HIPK2: variants seen among roughly 807,000 people sequenced by gnomAD.
The protein encoded by HIPK2 is homeodomain-interacting protein kinase 2.
A neutral mutation model predicts 113.7 loss-of-function variants in HIPK2; 27 were observed. The ratio of observed to expected loss-of-function variants is 0.24; its 90% CI spans 0.17 to 0.33. The LOEUF (loss-of-function observed/expected upper bound fraction) is 0.33. Among genes scored for constraint, HIPK2 ranks in the 10% least tolerant of loss-of-function variants. The probability of loss-of-function intolerance (pLI) is 1.00; values close to 1 mark genes in which losing one functional copy is unlikely to be tolerated. For synonymous variants in HIPK2, 631 were observed against 642.2 expected (o/e 0.98, Z 0.26); for missense variants, 1,257 against 1,588.0 (o/e 0.79, Z 3.54).
intron 1 of HIPK2, among the ~76,000 whole-genome samples, chr7:139,732,819 A>ATGTGTGTG (rs71170913): frequency 2.1e-3 from 304 of 144,998 alleles, no homozygotes; most frequent in African/African-American, 7.5e-3. Context: ...TTATATATAT[A>ATGTGTGTG]TGTGTGTGTG....
At chr7:139,634,378 C>A (rs760104395) in intron 2 of HIPK2, among the ~76,000 whole-genome samples, 1 of 151,982 alleles carries the variant, frequency 6.6e-6, no homozygotes, top group Non-Finnish European at 1.5e-5. Flanking sequence ...CATTGGACTG[C>A]GCATGTATTG....
At chr7:139,650,211 GT>G in intron 2 of HIPK2, among the ~76,000 whole-genome samples, 2 of 152,084 alleles carry the variant, frequency 1.3e-5, no homozygotes, top group Admixed American at 1.3e-4. Context: ...TTAGCTGGGT[GT>G]GGTAGCATGA....
At position 139,570,157 on chromosome 7, in the gene HIPK2, G is replaced by A. The variant is rs1050750539; in HGVS notation, c.*2770C>T. 1 of 152,108 alleles carries A rather than the reference G, an allele frequency of 6.6e-6. No individual in the cohort carries two copies. The highest frequency in any genetic ancestry group is 2.4e-5 in the African/African-American group (1 of 41,420). The allele number at this position is 152,108 out of a possible 1,614,324, so 9.4% of individuals were successfully genotyped here. A position where few individuals can be genotyped will look rare whatever the true frequency, so the allele number is the denominator to read the frequency against. On this transcript the variant is annotated 3_prime_UTR_variant, in exon 15 of 15. Coordinates refer to ENST00000406875, the MANE Select transcript of HIPK2 (RefSeq NM_022740.5). ...GAATCTGGGGGTGCTCTCCAGTAAG[G>A]CGAACTGAGGCTCATTTGCAGCCAA...
chr7:139,674,353 A>C (rs1453540971), intron 2 of HIPK2, among the ~76,000 whole-genome samples: 1 of 152,222 alleles, frequency 6.6e-6, no homozygotes, highest in African/African-American at 2.4e-5. Flanking sequence ...TAAAGCAATA[A>C]GAAAAATTAA....
rs188984492 is a variant in HIPK2, at chr7:139,568,523, G to A, written c.*4404C>T. 23 of 152,286 alleles carry A rather than the reference G, an allele frequency of 1.5e-4. No homozygotes were observed. The highest frequency in any genetic ancestry group is 4.1e-4 in the African/African-American group (17 of 41,538). 9.4% of individuals were successfully genotyped at this position (152,286 alleles called of 1,614,324 possible). A position where few individuals can be genotyped will look rare whatever the true frequency, so the allele number is the denominator to read the frequency against. On this transcript the variant is annotated 3_prime_UTR_variant, in exon 15 of 15. Coordinates refer to ENST00000406875, the MANE Select transcript of HIPK2 (RefSeq NM_022740.5). ...AGTGAGCAGAAGCAAATTGCCCTGC[G>A]GTTCACCAGGCTCCAGTTAAACACT...
At chr7:139,713,607 G>A (rs958128324) in intron 2 of HIPK2, among the ~76,000 whole-genome samples, 1 of 152,174 alleles carries the variant, frequency 6.6e-6, no homozygotes, top group Non-Finnish European at 1.5e-5. Context: ...TTTACAAGTC[G>A]CCATGCTAGC....
At chr7:139,606,606 C>T (rs2116728982) in intron 9 of HIPK2, among the ~76,000 whole-genome samples, 1 of 152,310 alleles carries the variant, frequency 6.6e-6, no homozygotes, top group South Asian at 2.1e-4. Flanking sequence ...GTTCCCAGAT[C>T]CTTGGTGTAC....
At chr7:139,627,778 G>A (rs1169215000) in intron 5 of HIPK2, among the ~76,000 whole-genome samples, 1 of 152,156 alleles carries the variant, frequency 6.6e-6, no homozygotes, top group African/African-American at 2.4e-5. Flanking sequence ...CCTGGTTTCA[G>A]ACTAATTTTC....
chr7:139,656,684 C>T (rs1049533505), intron 2 of HIPK2, among the ~76,000 whole-genome samples: 15 of 152,166 alleles, frequency 9.9e-5, no homozygotes, highest in Admixed American at 9.8e-4. Context: ...CCCTCCCTTA[C>T]CCCATCATGT....
chr7:139,647,278 T>C (rs912899292), intron 2 of HIPK2, among the ~76,000 whole-genome samples: 1 of 152,090 alleles, frequency 6.6e-6, no homozygotes, highest in African/African-American at 2.4e-5. Context: ...CTGCAGACAT[T>C]GGGTGTCATT....
At chr7:139,735,136 T>C (rs973705427) in intron 1 of HIPK2, among the ~76,000 whole-genome samples, 3 of 152,334 alleles carry the variant, frequency 2.0e-5, no homozygotes, top group African/African-American at 4.8e-5. Context: ...AGATATCCCA[T>C]GCAGGTTCTT....
intron 2 of HIPK2, among the ~76,000 whole-genome samples, chr7:139,708,727 C>T (rs917204682): frequency 4.6e-5 from 7 of 152,174 alleles, no homozygotes; most frequent in African/African-American, 1.4e-4. Flanking sequence ...CTTGCATGTC[C>T]AAGCATGCTT....
chr7:139,710,528 C>A (rs1795031030), intron 2 of HIPK2, among the ~76,000 whole-genome samples: 1 of 152,214 alleles, frequency 6.6e-6, no homozygotes, highest in Admixed American at 6.5e-5. Flanking sequence ...ATCAGAATGA[C>A]AGTCTTGGCA....
At chr7:139,629,904 C>G (rs1467784612) in intron 4 of HIPK2, among the ~76,000 whole-genome samples, 1 of 152,036 alleles carries the variant, frequency 6.6e-6, no homozygotes. Context: ...CACTCACCCT[C>G]ACAGTTGCCA....
intron 2 of HIPK2, among the ~76,000 whole-genome samples, chr7:139,688,226 C>T (rs566534521): frequency 5.3e-5 from 8 of 152,338 alleles, no homozygotes; most frequent in East Asian, 1.9e-4. Context: ...TTCGTGACCA[C>T]GTGAATCTGG....
chr7:139,669,855 T>C (rs1340840817), intron 2 of HIPK2, among the ~76,000 whole-genome samples: 4 of 152,232 alleles, frequency 2.6e-5, no homozygotes, highest in Non-Finnish European at 5.9e-5. Flanking sequence ...GGTGGTCATA[T>C]GGCAATGAGG....
chr7:139,756,101 C>T lies in HIPK2; in HGVS notation c.19+21504G>A, dbSNP rs542598793. Among the ~76,000 whole-genome samples the T allele has an allele frequency of 5.7e-4, 87 of 152,276 alleles. 2 individuals carry two copies. Among genetic ancestry groups the T allele is most frequent in the African/African-American group, 2.0e-3 (84 of 41,538 alleles). On this transcript the variant is annotated intron_variant, in intron 1 of 14. Coordinates refer to ENST00000406875, the MANE Select transcript of HIPK2 (RefSeq NM_022740.5). ...TCTCCCTCTGTCTTTTTCCTATCCCCAACCCAAACACGTCTAATAATATAA... is the reference window on the plus strand; with the variant it reads ...TCTCCCTCTGTCTTTTTCCTATCCCTAACCCAAACACGTCTAATAATATAA...
At chr7:139,670,429 A>C (rs1352819472) in intron 2 of HIPK2, among the ~76,000 whole-genome samples, 1 of 27,194 alleles carries the variant, frequency 3.7e-5, no homozygotes, top group African/African-American at 3.5e-4. Context: ...ACAAAAAATC[A>C]GTTAAAAAAA....
intron 2 of HIPK2, among the ~76,000 whole-genome samples, chr7:139,681,313 G>T (rs1173612560): frequency 6.6e-6 from 1 of 152,172 alleles, no homozygotes; most frequent in Non-Finnish European, 1.5e-5. Context: ...GCTGGTGGCA[G>T]GAGAGAGGTG....
Sources: gnomAD v4.1 joint callset for allele counts (sites outside exome capture counted in the v4.1 genomes callset) on GRCh38, gnomAD v4.1.1 for gene constraint, MANE v1.5 for transcripts, NCBI Gene and HGNC (gene_info 2026-07-23, HGNC 2026-07-21) for gene names.